The following MARVELD3 variants were observed in gnomAD, a reference collection of about 807,000 sequenced individuals.
The protein encoded by MARVELD3 is MARVEL domain containing 3.
A neutral mutation model predicts 33.5 loss-of-function variants in MARVELD3; 28 were observed. The ratio of observed to expected loss-of-function variants is 0.84; its 90% CI spans 0.62 to 1.15. The LOEUF is 1.15. MARVELD3 is among the 50% of genes most tolerant of loss of function. MARVELD3 has a pLI of 0.00. For missense variants in MARVELD3, 582 were observed against 547.6 expected (o/e 1.06, Z -0.63); for synonymous variants, 241 against 230.4 (o/e 1.05, Z -0.42).
downstream of MARVELD3, chr16:71,641,253 G>A: frequency 1.9e-6 from 1 of 530,858 alleles, no homozygotes; most frequent in Non-Finnish European, 3.3e-6. Context: ...AGCAGATTGA[G>A]TCCAGCCTGG....
chr16:71,637,407 T>C (rs527968709), downstream of MARVELD3, among the ~76,000 whole-genome samples: 190 of 152,240 alleles, frequency 1.2e-3, no homozygotes, highest in African/African-American at 4.4e-3. Context: ...AGGTGTAGGG[T>C]CCACTAACCC....
At position 71,634,253 on chromosome 16, in the gene MARVELD3, C is replaced by G. The variant is rs1483610469; in HGVS notation, c.656C>G (p.Ser219Cys). Residue 219 changes from serine to cysteine, a missense_variant, in exon 3 of 3, where the codon TCT becomes TGT. Ser to Cys is a moderately radical substitution (Grantham distance 112). Transcript: ENST00000268485. ...NLLILACSSV[S>C]YSSTGGYTGI... Reference sequence around the variant, plus strand: ...CTGATCCTGGCCTGCAGCTCTGTGTCTTACAGTTCCACAGGGGGCTACACG... The same window carrying G: ...CTGATCCTGGCCTGCAGCTCTGTGTGTTACAGTTCCACAGGGGGCTACACG... 5 of 1,614,062 alleles carry G rather than the reference C, an allele frequency of 3.1e-6. No homozygotes were observed. The highest frequency in any genetic ancestry group is 1.7e-5 in the Admixed American group (1 of 60,008).
rs771357764 is a variant in MARVELD3, at chr16:71,634,525, G to C, written c.928G>C (p.Asp310His). Residue 310 changes from aspartate (D) to histidine (H), a missense_variant, in exon 3 of 3, where the codon GAC becomes CAC. Asp to His is a moderately conservative substitution (Grantham distance 81). Transcript: ENST00000268485. ...GTTGCTGGTGACCGAAGGCTTGTTG[G>C]ACATGCTCATCGCGGGGGGGTACAT... ...PLLLVTEGLL[D>H]MLIAGGYIPA... 5.6e-6 allele frequency: 9 copies of C among 1,614,202 alleles called. No homozygotes were observed. Among genetic ancestry groups the C allele is most frequent in the Admixed American group, 1.7e-5 (1 of 60,018 alleles).
rs139613121 is a variant in MARVELD3 at position 71,634,542 on chromosome 16, G to C, written c.945G>C (p.Gly315=). 9 of 1,614,048 alleles carry C rather than the reference G, an allele frequency of 5.6e-6. No individual in the cohort carries two copies. The African/African-American group carries it at 9.3e-5, about 17-fold the overall frequency. The stretch of plus-strand genomic sequence containing the variant: ...GCTTGTTGGACATGCTCATCGCGGG[G>C]GGGTACATCCCGGCCTTGTACTTCT... ...TEGLLDMLIA[G]GYIPALYFYF... is the part of the protein sequence containing the mutation. The change falls in exon 3 of 3, where the codon GGG becomes GGC. Residue 315 remains glycine (G), a synonymous_variant. Coordinates refer to ENST00000268485, the MANE Select transcript of MARVELD3 (RefSeq NM_052858.6).
downstream of MARVELD3, chr16:71,641,023 T>G (rs200707122): frequency 1.5e-5 from 24 of 1,596,156 alleles, no homozygotes; most frequent in Non-Finnish European, 2.0e-5. Flanking sequence ...TCTGGAACTC[T>G]TTGAGATCTT....
At chr16:71,627,529 G>A (rs923578211) in intron 1 of MARVELD3, among the ~76,000 whole-genome samples, 2 of 152,006 alleles carry the variant, frequency 1.3e-5, no homozygotes, top group Non-Finnish European at 2.9e-5. Context: ...AGTCAGATGG[G>A]AGACGCTACA....
At chr16:71,628,720 C>A (rs2044499177) in intron 1 of MARVELD3, among the ~76,000 whole-genome samples, 1 of 151,966 alleles carries the variant, frequency 6.6e-6, no homozygotes, top group South Asian at 2.1e-4. Flanking sequence ...CAGGGGCCTC[C>A]TGTGCATGCT....
chr16:71,633,389 GTGT>G (rs1176579623), intron 2 of MARVELD3, among the ~76,000 whole-genome samples: 1 of 152,076 alleles, frequency 6.6e-6, no homozygotes, highest in Non-Finnish European at 1.5e-5. Flanking sequence ...TTAGTTTTTT[GTGT>G]TGTTGTTTGT....
chr16:71,630,354 G>C (rs1463517336), intron 2 of MARVELD3, among the ~76,000 whole-genome samples: 2 of 137,462 alleles, frequency 1.5e-5, no homozygotes, highest in South Asian at 4.7e-4. Flanking sequence ...GGCCAGGCAC[G>C]ATGGCTCACG....
chr16:71,629,519 ATCATTT>A lies in MARVELD3; in HGVS notation c.595+26_595+31del, dbSNP rs765571472. On this transcript the variant is annotated intron_variant, in intron 2 of 2. Transcript: ENST00000268485. ...GGTGAGCCGTTTTGCAGGCTGTTTG[ATCATTT>A]ACTGTCACTGGTGGTTCTGGAAGGG... 1.9e-6 allele frequency: 3 copies of A among 1,545,960 alleles called. No individual in the cohort carries two copies. The African/African-American group carries it at 4.3e-5, about 22-fold the overall frequency.
rs890501147 is a variant in MARVELD3 at position 71,636,305 on chromosome 16, G to T, written c.*1502G>T. On this transcript the variant is annotated 3_prime_UTR_variant, in exon 3 of 3. Transcript: ENST00000268485. The stretch of plus-strand genomic sequence containing the variant: ...GTGAGTTCCATTTGAGTTTAGAAAA[G>T]GAAATATATATATACATGCTTGTAT... The T allele has an allele frequency of 1.1e-5, 3 of 281,854 alleles. No individual in the cohort carries two copies. Among genetic ancestry groups the T allele is most frequent in the African/African-American group, 6.8e-5 (3 of 43,796 alleles). The allele number at this position is 281,854 out of a possible 1,614,324, so 17.5% of individuals were successfully genotyped here. A position where few individuals can be genotyped will look rare whatever the true frequency, so the allele number is the denominator to read the frequency against.
Position 71,630,059 on chromosome 16 carries a change from T to C in MARVELD3, c.595+565T>C, listed in dbSNP as rs116881683. Among the ~76,000 whole-genome samples the C allele has an allele frequency of 7.8e-3, 1,096 of 140,018 alleles. 9 individuals carry two copies. The highest frequency in any genetic ancestry group is 0.012 in the Non-Finnish European group (774 of 65,374). The allele number at this position is 140,018 out of a possible 152,430, so 91.9% of individuals were successfully genotyped here. ...GAGTTTGAGACCAACTTGGGCAACATAGCAATACCCCATCTCTAGTTTAAA... is the reference window on the plus strand; with the variant it reads ...GAGTTTGAGACCAACTTGGGCAACACAGCAATACCCCATCTCTAGTTTAAA... On this transcript the variant is annotated intron_variant, in intron 2 of 2. Transcript: ENST00000268485.
rs761135248 is a variant in MARVELD3, at chr16:71,626,460, G to GGA, written c.241_242dup (p.Glu82GlyfsTer42). 4 of 1,549,320 alleles carry GGA rather than the reference G, an allele frequency of 2.6e-6. No individual in the cohort carries two copies. The highest frequency in any genetic ancestry group is 4.9e-5 in the East Asian group (2 of 40,898). On this transcript the variant is annotated frameshift_variant, in exon 1 of 3. Transcript: ENST00000268485. LOFTEE classifies it high-confidence loss of function. This position sits in a 1 kb window ranked among gnomAD's most constrained non-coding sequence, Gnocchi z 5.3. ...GCGACCGGAACCGGGACCGGGAGAG[G>GGA]GAGAGAGAGAGGGAAAGAGACCCGG...
chr16:71,629,700 G>T (rs2044510057), intron 2 of MARVELD3: 1 of 541,248 alleles, frequency 1.8e-6, no homozygotes, highest in South Asian at 3.8e-5. Context: ...GATTTCCTGT[G>T]CTTCTCCTTA....
chr16:71,641,904 C>G (rs2044622586), exon 3 of MARVELD3: 1 of 152,168 alleles, frequency 6.6e-6, no homozygotes, highest in African/African-American at 2.4e-5. Flanking sequence ...CTGGACTGTT[C>G]TCATAATGTA....
intron 2 of MARVELD3, among the ~76,000 whole-genome samples, chr16:71,631,419 CT>C (rs1317760237): frequency 6.6e-6 from 1 of 151,818 alleles, no homozygotes; most frequent in East Asian, 1.9e-4. Context: ...TCTACATTTT[CT>C]TTTTTTGTTG....
At chr16:71,631,817 G>C (rs961436184) in intron 2 of MARVELD3, among the ~76,000 whole-genome samples, 1 of 152,168 alleles carries the variant, frequency 6.6e-6, no homozygotes, top group Non-Finnish European at 1.5e-5. Context: ...AAACAATAAT[G>C]TTGTTTGCAT....
chr16:71,633,065 T>C (rs900255391), intron 2 of MARVELD3, among the ~76,000 whole-genome samples: 1 of 151,910 alleles, frequency 6.6e-6, no homozygotes, highest in African/African-American at 2.4e-5. Flanking sequence ...ACAGAACATA[T>C]ATAAAGAGGA....
In MARVELD3 at chr16:71,634,492, T is replaced by G. The variant is rs557638530; in HGVS notation, c.895T>G (p.Cys299Gly). ...GGGTGTCCTGCGGGTCCCGTGGCAT[T>G]GTCCACTGTTGCTGGTGACCGAAGG... Reference protein sequence around the residue: ...AMGVLRVPWHCPLLLVTEGLL... With the variant: ...AMGVLRVPWHGPLLLVTEGLL... The change falls in exon 3 of 3, where the codon TGT (cysteine) becomes GGT (glycine). Residue 299 changes from cysteine to glycine, a missense_variant. By Grantham distance (159) the Cys-to-Gly change is radical. Coordinates refer to ENST00000268485, the MANE Select transcript of MARVELD3 (RefSeq NM_052858.6). 17 of 1,614,212 alleles carry G rather than the reference T, an allele frequency of 1.1e-5. 1 individual carries two copies. In the South Asian group the frequency reaches 1.5e-4, roughly 15 times the overall value.
Sources: gnomAD v4.1 joint callset for allele counts (sites outside exome capture counted in the v4.1 genomes callset) on GRCh38, gnomAD v4.1.1 for gene constraint, Gnocchi (gnomAD v3.1) non-coding constraint, MANE v1.5 for transcripts, NCBI Gene and HGNC (gene_info 2026-07-23, HGNC 2026-07-21) for gene names.